TENM3: variants seen among roughly 807,000 people sequenced by gnomAD.
The protein encoded by TENM3 is teneurin-3.
In TENM3, 63 loss-of-function variants were observed where a neutral mutation model predicts 255.1. The observed-to-expected ratio is 0.25, with a 90% CI of 0.20 to 0.30. TENM3 has a LOEUF of 0.30. Among genes scored for constraint, TENM3 ranks in the 10% least tolerant of loss-of-function variants. TENM3 has a pLI of 1.00. For synonymous variants in TENM3, 1,306 were observed against 1,322.3 expected (o/e 0.99, Z 0.27); for missense variants, 2,929 against 3,461.1 (o/e 0.85, Z 3.86).
chr4:181,758,264 G>A, the TENM3 span, among the ~76,000 whole-genome samples: 1 of 152,230 alleles, frequency 6.6e-6, no homozygotes, highest in Non-Finnish European at 1.5e-5. Context: ...AGGCCCAGCA[G>A]AAGCATGAGG....
the TENM3 span, among the ~76,000 whole-genome samples, chr4:181,699,972 G>C: frequency 6.6e-6 from 1 of 151,994 alleles, no homozygotes. Context: ...CTATTTTTTT[G>C]TTTCAGTCGT....
At chr4:182,403,509 T>G (rs1025863942) in intron 3 of TENM3, among the ~76,000 whole-genome samples, 1 of 152,204 alleles carries the variant, frequency 6.6e-6, no homozygotes, top group Non-Finnish European at 1.5e-5. Context: ...GGACACACTA[T>G]CTGATGGTGA....
chr4:182,576,924 C>T (rs1744982586), intron 3 of TENM3, among the ~76,000 whole-genome samples: 2 of 152,158 alleles, frequency 1.3e-5, no homozygotes, highest in Admixed American at 1.3e-4. Flanking sequence ...CAAGGCAAGG[C>T]CCATGAAAAT....
intron 3 of TENM3, among the ~76,000 whole-genome samples, chr4:182,359,570 C>T (rs1205817879): frequency 6.7e-6 from 1 of 149,230 alleles, no homozygotes; most frequent in Non-Finnish European, 1.5e-5. Flanking sequence ...GTGATATCCC[C>T]TTTATCATTT....
intron 3 of TENM3, among the ~76,000 whole-genome samples, chr4:182,406,022 C>T (rs1258437353): frequency 6.6e-6 from 1 of 152,178 alleles, no homozygotes; most frequent in Non-Finnish European, 1.5e-5. Flanking sequence ...GAACTGGACT[C>T]ACACTGGGCA....
At chr4:182,580,123 G>A (rs923052437) in intron 3 of TENM3, among the ~76,000 whole-genome samples, 15 of 152,016 alleles carry the variant, frequency 9.9e-5, no homozygotes, top group Non-Finnish European at 2.9e-5. Context: ...TTAAAAAAGA[G>A]ATTGAGATTC....
chr4:182,553,069 G>A (rs900316136), intron 3 of TENM3, among the ~76,000 whole-genome samples: 1 of 152,054 alleles, frequency 6.6e-6, no homozygotes, highest in Non-Finnish European at 1.5e-5. Context: ...ATTTGCTTTT[G>A]TAATCTTTAA....
chr4:182,374,039 T>A (rs1767017964), intron 3 of TENM3, among the ~76,000 whole-genome samples: 1 of 152,106 alleles, frequency 6.6e-6, no homozygotes, highest in South Asian at 2.1e-4. Flanking sequence ...GTATAGTATA[T>A]ATATATATAT....
At chr4:181,654,681 G>C in the TENM3 span, among the ~76,000 whole-genome samples, 1 of 149,224 alleles carries the variant, frequency 6.7e-6, no homozygotes, top group Non-Finnish European at 1.5e-5. Context: ...TTGAACCCAG[G>C]AGGCAGAGGT....
chr4:181,939,063 G>GA, the TENM3 span, among the ~76,000 whole-genome samples: 9 of 149,872 alleles, frequency 6.0e-5, no homozygotes, highest in Admixed American at 4.0e-4. Context: ...AGTAATGTAA[G>GA]AAAAAAAAAG....
chr4:182,486,601 A>G (rs1561497985), intron 3 of TENM3, among the ~76,000 whole-genome samples: 1 of 152,170 alleles, frequency 6.6e-6, no homozygotes, highest in African/African-American at 2.4e-5. Context: ...AATCTTGGTA[A>G]TAGAAATTTT....
chr4:182,705,647 G>T (rs1363048949), intron 12 of TENM3, among the ~76,000 whole-genome samples: 2 of 152,156 alleles, frequency 1.3e-5, no homozygotes, highest in African/African-American at 4.8e-5. Context: ...GAGTCAGCCT[G>T]ATGGCAAAAG....
At chr4:182,120,600 G>A in the TENM3 span, among the ~76,000 whole-genome samples, 2 of 152,186 alleles carry the variant, frequency 1.3e-5, no homozygotes, top group Non-Finnish European at 2.9e-5. Context: ...GGGTATGTGG[G>A]ATCAGTACTG....
the TENM3 span, among the ~76,000 whole-genome samples, chr4:181,450,243 C>A: frequency 0.97 from 147,055 of 152,260 alleles, 71,089 homozygotes; most frequent in Non-Finnish European, 0.99. Context: ...CATTTTAATA[C>A]ATAACTATAA....
chr4:181,465,739 C>T, the TENM3 span, among the ~76,000 whole-genome samples: 6 of 152,220 alleles, frequency 3.9e-5, no homozygotes, highest in African/African-American at 1.2e-4. Flanking sequence ...CTCTGAATAG[C>T]GCTGAAACTC....
At chr4:181,808,194 G>A in the TENM3 span, among the ~76,000 whole-genome samples, 15 of 152,112 alleles carry the variant, frequency 9.9e-5, no homozygotes, top group Non-Finnish European at 1.5e-4. Context: ...AATTGTAAGC[G>A]GATGTCATGC....
chr4:181,457,177 G>A, the TENM3 span, among the ~76,000 whole-genome samples: 2 of 151,808 alleles, frequency 1.3e-5, no homozygotes, highest in African/African-American at 4.8e-5. Flanking sequence ...TTTTAAAATA[G>A]TGAAAGTGGT....
intron 11 of TENM3, among the ~76,000 whole-genome samples, chr4:182,683,927 A>G (rs72703934): frequency 0.027 from 4,180 of 152,058 alleles, 99 homozygotes; most frequent in Non-Finnish European, 0.042. Context: ...AAAAAACACA[A>G]TAGAGACGTG....
chr4:181,984,899 A>C, the TENM3 span, among the ~76,000 whole-genome samples: 96 of 151,318 alleles, frequency 6.3e-4, 2 homozygotes, highest in Non-Finnish European at 1.8e-4. Context: ...AAAACAATTC[A>C]CTAGAGAAGT....
Sources: allele counts gnomAD v4.1 joint callset (sites outside exome capture counted in the v4.1 genomes callset), GRCh38; gene constraint gnomAD v4.1.1; transcripts MANE v1.5; gene names NCBI Gene and HGNC (gene_info 2026-07-23, HGNC 2026-07-21).